Variants in CLVS1 observed in about 807,000 individuals in gnomAD.
CLVS1 encodes clavesin-1.
A neutral mutation model predicts 33.1 loss-of-function variants in CLVS1; 10 were observed. The ratio of observed to expected loss-of-function variants is 0.30; its 90% CI spans 0.19 to 0.51. The LOEUF (loss-of-function observed/expected upper bound fraction) is 0.51, where lower values mean the gene tolerates loss of function less well. Among genes scored for constraint, CLVS1 ranks in the 20% least tolerant of loss-of-function variants. The pLI, the probability that CLVS1 is intolerant of heterozygous loss-of-function variation, is 0.97. For missense variants in CLVS1, 343 were observed against 433.4 expected, an observed-to-expected ratio of 0.79 and a Z score of 1.85; for synonymous variants, 163 against 166.1, an observed-to-expected ratio of 0.98 and a Z score of 0.14.
At chr8:61,405,942 T>C (rs935218862) in intron 3 of CLVS1, among the ~76,000 whole-genome samples, 2 of 152,198 alleles carry the variant, frequency 1.3e-5, no homozygotes, top group Non-Finnish European at 2.9e-5. Context: ...TATATAGAAA[T>C]TTCTTTGCAT....
At chr8:61,237,536 G>A (rs1027289609) in intron 2 of CLVS1, among the ~76,000 whole-genome samples, 1 of 152,192 alleles carries the variant, frequency 6.6e-6, no homozygotes, top group Non-Finnish European at 1.5e-5. Flanking sequence ...GGACCTCAGA[G>A]GTTGTTTCTC....
intron 1 of CLVS1, among the ~76,000 whole-genome samples, chr8:61,114,676 C>G (rs1349413008): frequency 6.6e-6 from 1 of 152,078 alleles, no homozygotes; most frequent in Non-Finnish European, 1.5e-5. Context: ...AGGTATTTAC[C>G]AAGAGTTCTA....
intron 2 of CLVS1, among the ~76,000 whole-genome samples, chr8:61,196,126 T>C (rs1193017452): frequency 1.3e-5 from 2 of 152,200 alleles, no homozygotes; most frequent in African/African-American, 4.8e-5. Flanking sequence ...TGAATTCATT[T>C]GTTCATTTAA....
chr8:61,454,484 A>G (rs1312978505), intron 4 of CLVS1, among the ~76,000 whole-genome samples: 1 of 152,214 alleles, frequency 6.6e-6, no homozygotes, highest in Non-Finnish European at 1.5e-5. Flanking sequence ...TGACAAACCA[A>G]AAGAAACTTT....
intron 2 of CLVS1, among the ~76,000 whole-genome samples, chr8:61,167,517 C>G (rs1038179827): frequency 6.6e-6 from 1 of 152,066 alleles, no homozygotes; most frequent in Non-Finnish European, 1.5e-5. Flanking sequence ...ACCCTTCAAG[C>G]CTCTACCTTC....
At chr8:61,033,277 T>C in the CLVS1 span, among the ~76,000 whole-genome samples, 1 of 152,074 alleles carries the variant, frequency 6.6e-6, no homozygotes, top group Non-Finnish European at 1.5e-5. Flanking sequence ...CTCTTCTAAG[T>C]CTAAGGACCT....
At chr8:61,247,071 T>A (rs920915130) in intron 2 of CLVS1, among the ~76,000 whole-genome samples, 3 of 152,238 alleles carry the variant, frequency 2.0e-5, no homozygotes, top group African/African-American at 7.2e-5. Context: ...TGATTTTGTG[T>A]TCCTGCCTTA....
At chr8:61,260,590 A>T (rs141753714) in intron 2 of CLVS1, among the ~76,000 whole-genome samples, 17 of 152,302 alleles carry the variant, frequency 1.1e-4, no homozygotes, top group African/African-American at 4.1e-4. Flanking sequence ...ATTGGTTAAT[A>T]GGATCTGGAG....
intron 2 of CLVS1, among the ~76,000 whole-genome samples, chr8:61,155,511 A>G (rs1240549687): frequency 6.6e-6 from 1 of 152,178 alleles, no homozygotes; most frequent in Non-Finnish European, 1.5e-5. Flanking sequence ...TGATTATTCA[A>G]ATGTTCTCTA....
At position 61,300,055 on chromosome 8, in the gene CLVS1, C is replaced by A; in HGVS notation, c.228C>A (p.Ile76=). The A allele has an allele frequency of 6.2e-7, 1 of 1,613,998 alleles. No individual in the cohort carries two copies. The highest frequency in any genetic ancestry group is 8.5e-7 in the Non-Finnish European group (1 of 1,179,958). ...IGFLRTDDAF[I]LRFLRARKFH... ...TTTTACGTACAGATGATGCCTTCAT[C>A]CTGAGATTTCTCCGAGCCAGGAAGT... is the stretch of plus-strand genomic sequence containing the variant. Residue 76 remains isoleucine (I), a synonymous_variant, in exon 2 of 6, where the codon ATC becomes ATA. Transcript: ENST00000325897.
intron 2 of CLVS1, among the ~76,000 whole-genome samples, chr8:61,133,043 C>T (rs1001680587): frequency 3.3e-5 from 5 of 152,120 alleles, no homozygotes; most frequent in Non-Finnish European, 5.9e-5. Flanking sequence ...TCTTCCAGCA[C>T]CTGAGTCCTA....
chr8:61,195,323 A>C (rs1332163885), intron 2 of CLVS1, among the ~76,000 whole-genome samples: 1 of 151,906 alleles, frequency 6.6e-6, no homozygotes. Context: ...AGAGATTCCA[A>C]ATGATCCAAA....
At position 61,310,094 on chromosome 8, in the gene CLVS1, T is replaced by A. The variant is rs116867314; in HGVS notation, c.455+9812T>A. Among the ~76,000 whole-genome samples the A allele has an allele frequency of 1.4e-4, 21 of 152,284 alleles. No homozygotes were observed. The East Asian group carries it at 3.9e-3, about 28-fold the overall frequency. ...TAGGCTTCTCACCAGGGTCATGAGGTAACCCTGCCCCCAAAGCCTATTAAG... is the reference window on the plus strand; with the variant it reads ...TAGGCTTCTCACCAGGGTCATGAGGAAACCCTGCCCCCAAAGCCTATTAAG... On this transcript the variant is annotated intron_variant, in intron 2 of 5. Transcript: ENST00000325897.
chr8:61,072,409 T>C (rs572904728), intron 1 of CLVS1, among the ~76,000 whole-genome samples: 10 of 152,376 alleles, frequency 6.6e-5, no homozygotes, highest in Non-Finnish European at 1.3e-4. Flanking sequence ...TTATTTCTCT[T>C]GGTTAAAGAT....
intron 3 of CLVS1, among the ~76,000 whole-genome samples, chr8:61,439,975 A>G (rs1816480597): frequency 6.6e-6 from 1 of 152,204 alleles, no homozygotes; most frequent in South Asian, 2.1e-4. Context: ...CGTCTGCAGG[A>G]CATTCAGCCT....
At chr8:61,106,863 G>A (rs886322440) in intron 1 of CLVS1, among the ~76,000 whole-genome samples, 20 of 152,040 alleles carry the variant, frequency 1.3e-4, no homozygotes, top group African/African-American at 3.4e-4. Flanking sequence ...CTCTGGAGGC[G>A]GGCAAGCAGA....
Position 61,299,730 on chromosome 8 carries a change from C to A in CLVS1, c.-98C>A. ...TTTGGATGAACACCACCACATAGGG[C>A]CTGAATGTGAAAGAAGACCCTCTAT... On this transcript the variant is annotated 5_prime_UTR_variant, in exon 2 of 6. Coordinates refer to ENST00000325897, the MANE Select transcript of CLVS1 (RefSeq NM_173519.3). 1 of 840,066 alleles carries A rather than the reference C, an allele frequency of 1.2e-6. No individual in the cohort carries two copies. The highest frequency in any genetic ancestry group is 1.9e-6 in the Non-Finnish European group (1 of 537,650). The allele number at this position is 840,066 out of a possible 1,614,324, so 52.0% of individuals were successfully genotyped here. A position where few individuals can be genotyped will look rare whatever the true frequency, so the allele number is the denominator to read the frequency against.
intron 1 of CLVS1, among the ~76,000 whole-genome samples, chr8:61,118,241 C>T (rs556144422): frequency 4.1e-4 from 62 of 152,126 alleles, no homozygotes; most frequent in African/African-American, 1.1e-3. Flanking sequence ...TTTTTTATTG[C>T]GTCTATTAGA....
intron 2 of CLVS1, among the ~76,000 whole-genome samples, chr8:61,146,942 C>G (rs111444433): frequency 6.6e-6 from 1 of 152,106 alleles, no homozygotes; most frequent in Non-Finnish European, 1.5e-5. Flanking sequence ...TTAAAGACAC[C>G]CTTTAGGTAT....
Sources: allele counts gnomAD v4.1 joint callset (sites outside exome capture counted in the v4.1 genomes callset), GRCh38; gene constraint gnomAD v4.1.1; transcripts MANE v1.5; gene names NCBI Gene and HGNC (gene_info 2026-07-23, HGNC 2026-07-21).